SAMD7: variants seen among roughly 807,000 people sequenced by gnomAD.
SAMD7 encodes sterile alpha motif domain-containing protein 7.
In SAMD7, 34 loss-of-function variants were observed where a neutral mutation model predicts 36.7. The observed-to-expected ratio is 0.93, with a 90% confidence interval of 0.71 to 1.23. SAMD7 has a LOEUF of 1.23. Among genes scored for constraint, SAMD7 ranks in the 50% most tolerant of loss-of-function variants. The pLI is 0.00. For synonymous variants in SAMD7, 188 were observed against 189.7 expected (o/e 0.99, Z 0.07); for missense variants, 570 against 546.6 (o/e 1.04, Z -0.43).
At chr3:169,915,689 A>G (rs1313824724) in intron 2 of SAMD7, among the ~76,000 whole-genome samples, 2 of 142,226 alleles carry the variant, frequency 1.4e-5, no homozygotes, top group Non-Finnish European at 3.0e-5. Flanking sequence ...AGTTCAAGCA[A>G]TTCTCCTGCC....
At chr3:169,932,167 C>T (rs1449972523) in intron 7 of SAMD7, 2 of 620,430 alleles carry the variant, frequency 3.2e-6, no homozygotes, top group Non-Finnish European at 5.7e-6. Context: ...GGAGCTGTCA[C>T]CCAAGTTGGA....
At chr3:169,933,311 A>ATC in intron 7 of SAMD7, 1 of 383,796 alleles carries the variant, frequency 2.6e-6, no homozygotes, top group South Asian at 3.2e-5. Flanking sequence ...ATGGTATGAA[A>ATC]TGGATTGGAA....
At position 169,938,502 on chromosome 3, in the gene SAMD7, A is replaced by T; in HGVS notation, c.1337A>T (p.Asn446Ile). The change falls in exon 9 of 9, where the codon AAC becomes ATC. Residue 446 changes from asparagine (N) to isoleucine (I), a missense_variant. Coordinates refer to ENST00000335556, the MANE Select transcript of SAMD7 (RefSeq NM_001304366.2). ...PKGIERGSMR[N>I] ...GGAATTGAGCGAGGTAGTATGAGAA[A>T]CTAAAAGCCCTCAAGGAGGAAGAAT... 1 of 1,601,860 alleles carries T rather than the reference A, an allele frequency of 6.2e-7. No homozygotes were observed. The highest frequency in any genetic ancestry group is 8.5e-7 in the Non-Finnish European group (1 of 1,171,394).
chr3:169,924,912 T>C (rs1713191093), intron 4 of SAMD7, 146 bp from the exon 5 acceptor site: 1 of 574,512 alleles, frequency 1.7e-6, no homozygotes, highest in Non-Finnish European at 3.1e-6. Context: ...TGCAATGATC[T>C]GATACCATTT....
Position 169,925,081 on chromosome 3 carries a change from T to C in SAMD7, c.235T>C (p.Ser79Pro). Residue 79 changes from serine (S) to proline (P), a missense_variant, in exon 5 of 9, where the codon TCC becomes CCC. Transcript: ENST00000335556. ...AGGTTGGGGCATTTTACCACCTGAA[T>C]CCATAAAGGCAGTGGCCAGAAGGAA... Reference protein sequence around the residue: ...YPGWGILPPESIKAVARRNEM... With the variant: ...YPGWGILPPEPIKAVARRNEM... 1 of 1,610,612 alleles carries C rather than the reference T, an allele frequency of 6.2e-7. No homozygotes were observed. The highest frequency in any genetic ancestry group is 1.7e-5 in the Admixed American group (1 of 59,600).
intron 7 of SAMD7, chr3:169,932,588 A>G: frequency 1.9e-6 from 1 of 522,364 alleles, no homozygotes; most frequent in Non-Finnish European, 3.8e-6. Flanking sequence ...AGGACACAAT[A>G]CTTGTTTTTA....
Position 169,911,800 on chromosome 3 carries a change from A to G in SAMD7, c.-138A>G, listed in dbSNP as rs1195050733. ...GGTTCTTCCATCTGCAATATCAAAG[A>G]CAAGAAGTCTTCATAGAGGATGTAA... On this transcript the variant is annotated 5_prime_UTR_variant, in exon 1 of 9. Coordinates refer to ENST00000335556, the MANE Select transcript of SAMD7 (RefSeq NM_001304366.2). 2.0e-5 allele frequency: 3 copies of G among 152,248 alleles called. No individual in the cohort carries two copies. The highest frequency in any genetic ancestry group is 4.8e-5 in the African/African-American group (2 of 41,472). 9.4% of individuals were successfully genotyped at this position (152,248 alleles called of 1,614,324 possible). A position where few individuals can be genotyped will look rare whatever the true frequency, so the allele number is the denominator to read the frequency against.
At chr3:169,937,410 C>G (rs570255332) in intron 8 of SAMD7, among the ~76,000 whole-genome samples, 1 of 152,188 alleles carries the variant, frequency 6.6e-6, no homozygotes, top group African/African-American at 2.4e-5. Context: ...TCCCTCCCCC[C>G]ATCCCAACCC....
chr3:169,936,202 A>T, intron 7 of SAMD7, 137 bp from the exon 8 acceptor site: 1 of 601,392 alleles, frequency 1.7e-6, no homozygotes, highest in Non-Finnish European at 3.0e-6. Flanking sequence ...AGAGCAACTA[A>T]AAAAAGGTTT....
Position 169,919,575 on chromosome 3 carries a change from C to A in SAMD7, c.77C>A (p.Thr26Asn). Residue 26 changes from threonine to asparagine, a missense_variant, in exon 3 of 9, where the codon ACT (threonine) becomes AAT (asparagine). Physicochemically the swap from Thr to Asn is moderately conservative, Grantham distance 65. Transcript: ENST00000335556. ...ATCCCCTCACCATTTGGGCCTCCAA[C>A]TGTGGACAGGTATTTCTCTTCAATA... is the stretch of plus-strand genomic sequence containing the variant. ...PLIPSPFGPPTVDRDVLPSTV... is the reference protein window; with the variant it reads ...PLIPSPFGPPNVDRDVLPSTV... 1.2e-6 allele frequency: 2 copies of A among 1,610,612 alleles called. No homozygotes were observed. The highest frequency in any genetic ancestry group is 1.3e-5 in the African/African-American group (1 of 74,954).
intron 8 of SAMD7, 131 bp from the exon 9 acceptor site, chr3:169,938,187 A>AC: frequency 1.6e-6 from 1 of 622,854 alleles, no homozygotes; most frequent in Non-Finnish European, 2.9e-6. Context: ...TACAATTGTG[A>AC]CCCCCACAAC....
intron 4 of SAMD7, 34 bp downstream of exon 4, chr3:169,921,372 G>T (rs1713037491): frequency 6.2e-7 from 1 of 1,604,740 alleles, no homozygotes; most frequent in African/African-American, 1.3e-5. Context: ...CTCATCTGTG[G>T]AGTCATTTTG....
intron 1 of SAMD7, among the ~76,000 whole-genome samples, chr3:169,914,334 C>T (rs965327938): frequency 6.6e-6 from 1 of 152,134 alleles, no homozygotes; most frequent in East Asian, 1.9e-4. Flanking sequence ...AGAAACTAGG[C>T]AATCCTTTTC....
chr3:169,921,863 G>T (rs1189011071), intron 4 of SAMD7, among the ~76,000 whole-genome samples: 1 of 152,194 alleles, frequency 6.6e-6, no homozygotes, highest in Non-Finnish European at 1.5e-5. Context: ...CATTAGAATA[G>T]CTAAAAGATT....
intron 4 of SAMD7, among the ~76,000 whole-genome samples, chr3:169,923,063 A>G (rs1713117592): frequency 6.6e-6 from 1 of 152,240 alleles, no homozygotes. Flanking sequence ...TGAAGCTCAA[A>G]CTGGTGTATC....
chr3:169,928,941 A>G (rs532872204), intron 7 of SAMD7, among the ~76,000 whole-genome samples: 1 of 152,360 alleles, frequency 6.6e-6, no homozygotes, highest in Admixed American at 6.5e-5. Context: ...TTTTTGGAGC[A>G]CAGACTTCTG....
At chr3:169,932,473 T>C (rs1040433494) in intron 7 of SAMD7, 7 of 598,164 alleles carry the variant, frequency 1.2e-5, no homozygotes, top group Non-Finnish European at 2.0e-5. Context: ...TTGGACAGGA[T>C]TGTGGGTGTC....
At chr3:169,930,117 T>C (rs972863772) in intron 7 of SAMD7, among the ~76,000 whole-genome samples, 5 of 152,216 alleles carry the variant, frequency 3.3e-5, no homozygotes, top group African/African-American at 7.2e-5. Context: ...TTTATAATAA[T>C]AGCTCTTGTA....
At chr3:169,927,276 T>G (rs1336211423) in intron 6 of SAMD7, 95 bp downstream of exon 6, 1 of 797,398 alleles carries the variant, frequency 1.3e-6, no homozygotes, top group Non-Finnish European at 1.8e-6. Flanking sequence ...CCTGCCTCTT[T>G]TTATCTTTCT....
Sources: gnomAD v4.1 joint callset for allele counts (sites outside exome capture counted in the v4.1 genomes callset) on GRCh38, gnomAD v4.1.1 for gene constraint, MANE v1.5 for transcripts, NCBI Gene and HGNC (gene_info 2026-07-23, HGNC 2026-07-21) for gene names.